The following LARGE1 variants were observed in gnomAD, a reference collection of about 807,000 sequenced individuals.
LARGE1 encodes xylosyl- and glucuronyltransferase LARGE1.
A neutral mutation model predicts 87.6 loss-of-function variants in LARGE1; 43 were observed. That is an observed-to-expected ratio of 0.49 (90% confidence interval 0.38 to 0.63). The LOEUF (loss-of-function observed/expected upper bound fraction) is 0.63, where lower values mean the gene tolerates loss of function less well. LARGE1 is among the 30% of genes least tolerant of loss of function. LARGE1 has a pLI of 0.00. For missense variants in LARGE1, 802 were observed against 1,000.2 expected (o/e 0.80, Z 2.67); for synonymous variants, 434 against 394.6 (o/e 1.10, Z -1.18).
chr22:33,709,290 C>T (rs534645731), intron 2 of LARGE1, among the ~76,000 whole-genome samples: 1 of 152,260 alleles, frequency 6.6e-6, no homozygotes, highest in South Asian at 2.1e-4. Context: ...ACCCTGAAAA[C>T]ACGATCCCAC....
At chr22:33,707,277 G>A (rs2082590507) in intron 2 of LARGE1, among the ~76,000 whole-genome samples, 1 of 152,236 alleles carries the variant, frequency 6.6e-6, no homozygotes, top group Non-Finnish European at 1.5e-5. Context: ...GCACAAGCAG[G>A]CCCATCATTT....
chr22:33,761,991 T>C (rs1601553688), intron 1 of LARGE1, among the ~76,000 whole-genome samples: 1 of 150,216 alleles, frequency 6.7e-6, no homozygotes, highest in African/African-American at 2.4e-5. Flanking sequence ...CCGAGACGAG[T>C]GGATAACTTG....
intron 9 of LARGE1, among the ~76,000 whole-genome samples, chr22:33,350,115 C>T (rs1231803081): frequency 6.6e-6 from 1 of 152,176 alleles, no homozygotes; most frequent in African/African-American, 2.4e-5. Flanking sequence ...TTTCACAATA[C>T]TCAGGGCTGG....
intron 2 of LARGE1, among the ~76,000 whole-genome samples, chr22:33,760,795 C>T (rs1030730577): frequency 6.6e-6 from 1 of 152,124 alleles, no homozygotes; most frequent in Admixed American, 6.6e-5. Context: ...TGGCGGGCAC[C>T]TGTAGTCCTA....
intron 6 of LARGE1, among the ~76,000 whole-genome samples, chr22:33,483,603 T>G (rs998258856): frequency 1.3e-5 from 2 of 151,916 alleles, no homozygotes; most frequent in Admixed American, 6.6e-5. Context: ...GGCAAGGAAG[T>G]AGCCAAGGGG....
intron 5 of LARGE1, among the ~76,000 whole-genome samples, chr22:33,599,197 A>C (rs1203712778): frequency 2.0e-5 from 3 of 152,236 alleles, no homozygotes; most frequent in African/African-American, 7.2e-5. Context: ...GGGAAAAGTC[A>C]AATATCAGCG....
At chr22:33,291,215 GA>G (rs1932487289) in intron 12 of LARGE1, among the ~76,000 whole-genome samples, 1 of 152,118 alleles carries the variant, frequency 6.6e-6, no homozygotes, top group African/African-American at 2.4e-5. Flanking sequence ...AGGATATAAG[GA>G]AAACTCTACG....
At chr22:33,490,538 G>C (rs577136542) in intron 6 of LARGE1, among the ~76,000 whole-genome samples, 11 of 152,174 alleles carry the variant, frequency 7.2e-5, no homozygotes, top group Non-Finnish European at 1.5e-4. Flanking sequence ...TAGGCCAACT[G>C]TTTTCTAACT....
chr22:33,733,640 C>G (rs2083547509), intron 2 of LARGE1: 2 of 152,186 alleles, frequency 1.3e-5, no homozygotes, highest in South Asian at 2.1e-4. Flanking sequence ...ATCCATCCAT[C>G]TATCCATCTA....
At chr22:33,890,702 T>C (rs933374187) in intron 1 of LARGE1, among the ~76,000 whole-genome samples, 2 of 151,304 alleles carry the variant, frequency 1.3e-5, no homozygotes, top group East Asian at 1.9e-4. Flanking sequence ...CTCAGATCTA[T>C]TCAAAAGGAC....
chr22:33,603,274 C>A (rs2079159823), intron 5 of LARGE1, among the ~76,000 whole-genome samples: 1 of 152,118 alleles, frequency 6.6e-6, no homozygotes, highest in Non-Finnish European at 1.5e-5. Context: ...AAGCAATTTG[C>A]CAGAGTCAGC....
chr22:33,602,855 G>A (rs989912246), intron 5 of LARGE1, among the ~76,000 whole-genome samples: 2 of 152,132 alleles, frequency 1.3e-5, no homozygotes, highest in Non-Finnish European at 2.9e-5. Context: ...CAGGCTCACA[G>A]GGGACATGGC....
Position 33,352,572 on chromosome 22 carries a change from G to A in LARGE1, c.1132-14771C>T, listed in dbSNP as rs560843530. Among the ~76,000 whole-genome samples the A allele has an allele frequency of 9.1e-4, 138 of 151,940 alleles. No individual in the cohort carries two copies. The Middle Eastern group carries it at 0.01, about 11-fold the overall frequency. ...AGTTTAAGACCAGCCTGGCCAACAC[G>A]GTGAAACCCCATCTCTACTTAAAAA... On this transcript the variant is annotated intron_variant, in intron 9 of 14. Coordinates refer to ENST00000397394, the MANE Select transcript of LARGE1 (RefSeq NM_133642.5).
chr22:33,790,228 T>G lies in LARGE1; in HGVS notation c.-82-28670A>C, dbSNP rs1399359596. ...CTCTTTCCTGCCACCATGTAAGACA[T>G]GACTTTGCTGTTCATTCACCTTCTG... is the stretch of plus-strand genomic sequence containing the variant. On this transcript the variant is annotated intron_variant, in intron 1 of 14. Transcript: ENST00000397394. 9.8e-5 allele frequency among the ~76,000 whole-genome samples: 15 copies of G among 152,348 alleles called. 1 individual carries two copies. Among genetic ancestry groups the G allele is most frequent in the Admixed American group, 9.1e-4 (14 of 15,310 alleles).
chr22:33,484,605 C>G (rs939924051), intron 6 of LARGE1, among the ~76,000 whole-genome samples: 3 of 152,166 alleles, frequency 2.0e-5, no homozygotes, highest in African/African-American at 4.8e-5. Flanking sequence ...AGAGGTGCTT[C>G]CACGACAGGA....
intron 7 of LARGE1, among the ~76,000 whole-genome samples, chr22:33,402,235 A>T (rs2283900): frequency 0.12 from 18,659 of 152,136 alleles, 2,071 homozygotes; most frequent in African/African-American, 0.3. Context: ...GTGATGAATG[A>T]AAGAGCCATA....
the LARGE1 span, among the ~76,000 whole-genome samples, chr22:33,150,771 T>A: frequency 1.7e-4 from 26 of 152,322 alleles, no homozygotes; most frequent in African/African-American, 6.0e-4. Context: ...TTGTATGGGC[T>A]TATGTGTGGA....
chr22:33,575,462 T>A (rs926784010), intron 5 of LARGE1, among the ~76,000 whole-genome samples: 1 of 152,184 alleles, frequency 6.6e-6, no homozygotes, highest in Non-Finnish European at 1.5e-5. Flanking sequence ...TTAGAAGTCC[T>A]GTTTAAATAC....
chr22:33,719,222 C>T (rs1047534979), intron 2 of LARGE1, among the ~76,000 whole-genome samples: 5 of 151,922 alleles, frequency 3.3e-5, no homozygotes, highest in Non-Finnish European at 7.4e-5. Context: ...CTGAGTGTTA[C>T]GACAAGAGTC....
Sources: gnomAD v4.1 joint callset for allele counts (sites outside exome capture counted in the v4.1 genomes callset) on GRCh38, gnomAD v4.1.1 for gene constraint, MANE v1.5 for transcripts, NCBI Gene and HGNC (gene_info 2026-07-23, HGNC 2026-07-21) for gene names.